Variants in CDC73 observed in about 807,000 individuals in gnomAD.
The protein encoded by CDC73 is parafibromin.
CDC73 carries 21 observed loss-of-function variants against 83.7 expected under a neutral mutation model. The observed-to-expected ratio is 0.25, with a 90% CI of 0.18 to 0.36. The LOEUF is 0.36. Ranked by LOEUF, CDC73 falls within the 10% of genes least tolerant of loss-of-function variation. The pLI is 1.00. For synonymous variants in CDC73, 224 were observed against 212.9 expected (o/e 1.05, Z -0.45); for missense variants, 342 against 653.3 (o/e 0.52, Z 5.19).
chr1:193,211,360 G>A (rs1248637265), intron 11 of CDC73, among the ~76,000 whole-genome samples: 1 of 152,154 alleles, frequency 6.6e-6, no homozygotes, highest in South Asian at 2.1e-4. Flanking sequence ...GCAGTTACAC[G>A]GATGGTAGAT....
chr1:193,161,736 AATAT>A (rs1206346626), intron 10 of CDC73, among the ~76,000 whole-genome samples: 1 of 21,098 alleles, frequency 4.7e-5, no homozygotes, highest in Non-Finnish European at 9.7e-5. Flanking sequence ...TATAATATAT[AATAT>A]ATATCATATT....
chr1:193,221,710 T>A (rs1677473148), intron 13 of CDC73, among the ~76,000 whole-genome samples: 1 of 152,216 alleles, frequency 6.6e-6, no homozygotes, highest in East Asian at 1.9e-4. Flanking sequence ...TTCTCTTTAG[T>A]CTTGTTTACT....
chr1:193,235,777 A>G (rs945124187), intron 14 of CDC73, among the ~76,000 whole-genome samples: 17 of 152,230 alleles, frequency 1.1e-4, no homozygotes, highest in African/African-American at 3.9e-4. Flanking sequence ...AACTCAGATA[A>G]GGCCCTGGGA....
At chr1:193,159,160 A>G (rs1196812498) in intron 10 of CDC73, among the ~76,000 whole-genome samples, 1 of 152,124 alleles carries the variant, frequency 6.6e-6, no homozygotes, top group Non-Finnish European at 1.5e-5. Context: ...TTCTGGTTAT[A>G]GATTTGGACC....
intron 10 of CDC73, among the ~76,000 whole-genome samples, chr1:193,169,595 C>T (rs1676487432): frequency 6.6e-6 from 1 of 152,128 alleles, no homozygotes; most frequent in Non-Finnish European, 1.5e-5. Flanking sequence ...TGCATAATGG[C>T]TGATGCCTAT....
At chr1:193,143,841 G>C (rs370526975) in intron 7 of CDC73, among the ~76,000 whole-genome samples, 1 of 152,062 alleles carries the variant, frequency 6.6e-6, no homozygotes, top group African/African-American at 2.4e-5. Flanking sequence ...TGGGTGCAGC[G>C]GCTCATGCCA....
chr1:193,132,421 G>A (rs1319282338), intron 3 of CDC73, among the ~76,000 whole-genome samples: 1 of 152,208 alleles, frequency 6.6e-6, no homozygotes, highest in African/African-American at 2.4e-5. Context: ...GAACCCAGCA[G>A]TATTAAAGAG....
Position 193,135,368 on chromosome 1 carries a change from C to T in CDC73, c.308-23C>T, listed in dbSNP as rs766379008. 2.5e-5 allele frequency: 40 copies of T among 1,588,350 alleles called. 1 individual carries two copies. The highest frequency in any genetic ancestry group is 9.9e-5 in the South Asian group (9 of 90,538). On this transcript the variant is annotated intron_variant, in intron 3 of 16. Transcript: ENST00000367435. ...ATATATGTTGAAATAGTAATCCTTA[C>T]GTGAATCTTTTTATGTCTTCAGCAA...
intron 10 of CDC73, among the ~76,000 whole-genome samples, chr1:193,199,002 AAGAT>A (rs1420321693): frequency 3.9e-5 from 6 of 152,232 alleles, no homozygotes; most frequent in African/African-American, 7.2e-5. Flanking sequence ...TAGGGAAAGA[AAGAT>A]AAATTTATTT....
chr1:193,145,159 A>T (rs1254252555), intron 7 of CDC73, among the ~76,000 whole-genome samples: 11 of 152,214 alleles, frequency 7.2e-5, no homozygotes, highest in Non-Finnish European at 1.5e-4. Flanking sequence ...GCTGTCACAA[A>T]TCATGCATGG....
At chr1:193,239,559 T>C (rs1209018755) in intron 15 of CDC73, among the ~76,000 whole-genome samples, 5 of 152,240 alleles carry the variant, frequency 3.3e-5, no homozygotes, top group Non-Finnish European at 7.3e-5. Flanking sequence ...ATTTTAGATA[T>C]GTTATACTTG....
chr1:193,152,525 C>T (rs1382133613), intron 10 of CDC73, 81 bp downstream of exon 10: 1 of 915,538 alleles, frequency 1.1e-6, no homozygotes, highest in Non-Finnish European at 1.8e-6. Context: ...TCTTTAGTCT[C>T]TCATATTTTT....
chr1:193,202,730 AC>A (rs1344793714), intron 10 of CDC73, among the ~76,000 whole-genome samples: 3 of 150,702 alleles, frequency 2.0e-5, no homozygotes, highest in African/African-American at 7.3e-5. Flanking sequence ...TAGGAATACC[AC>A]TGTATTGAAG....
chr1:193,136,561 G>T, intron 5 of CDC73: 2 of 216,306 alleles, frequency 9.2e-6, no homozygotes, highest in Non-Finnish European at 1.1e-5. Flanking sequence ...GTAGTACTGT[G>T]CATATCATCT....
intron 7 of CDC73, among the ~76,000 whole-genome samples, chr1:193,142,419 CATT>C (rs762522470): frequency 1.8e-4 from 27 of 152,048 alleles, no homozygotes; most frequent in Non-Finnish European, 3.8e-4. Context: ...TTAATGCCAT[CATT>C]ATTTTTTTTT....
chr1:193,178,648 G>A (rs907440867), intron 10 of CDC73, among the ~76,000 whole-genome samples: 1 of 152,048 alleles, frequency 6.6e-6, no homozygotes, highest in East Asian at 1.9e-4. Flanking sequence ...AAGTAATTCT[G>A]GTATTTCTGT....
At chr1:193,171,484 C>T (rs1001623472) in intron 10 of CDC73, among the ~76,000 whole-genome samples, 3 of 152,170 alleles carry the variant, frequency 2.0e-5, no homozygotes, top group Admixed American at 1.3e-4. Context: ...GATTTTAAGA[C>T]TGAGGTCCCT....
At chr1:193,141,798 A>G (rs1675910883) in intron 6 of CDC73, 52 bp from the exon 7 acceptor site, 2 of 1,110,818 alleles carry the variant, frequency 1.8e-6, no homozygotes, top group Non-Finnish European at 2.7e-6. Context: ...TATATTTATG[A>G]TACACTCCAG....
At chr1:193,165,687 ATAAT>A (rs747919627) in intron 10 of CDC73, among the ~76,000 whole-genome samples, 3 of 152,236 alleles carry the variant, frequency 2.0e-5, no homozygotes, top group South Asian at 2.1e-4. Flanking sequence ...ATAGAAGAAA[ATAAT>A]TAGTCTTTTT....
Sources: allele counts gnomAD v4.1 joint callset (sites outside exome capture counted in the v4.1 genomes callset), GRCh38; gene constraint gnomAD v4.1.1; transcripts MANE v1.5; gene names NCBI Gene and HGNC (gene_info 2026-07-23, HGNC 2026-07-21).